TRAPPC10: variants seen among roughly 807,000 people sequenced by gnomAD.
The protein encoded by TRAPPC10 is TRAPP 130 kDa subunit.
In TRAPPC10, 23 loss-of-function variants were observed where a neutral mutation model predicts 125.5. The observed-to-expected ratio is 0.18, with a 90% CI of 0.13 to 0.26. The LOEUF (loss-of-function observed/expected upper bound fraction) is 0.26, where lower values mean the gene tolerates loss of function less well. Ranked by LOEUF, TRAPPC10 falls within the 10% of genes least tolerant of loss-of-function variation. The probability of loss-of-function intolerance (pLI) is 1.00; values close to 1 mark genes in which losing one functional copy is unlikely to be tolerated. For synonymous variants in TRAPPC10, 509 were observed against 518.0 expected, an observed-to-expected ratio of 0.98 and a Z score of 0.24; for missense variants, 1,123 against 1,308.4, an observed-to-expected ratio of 0.86 and a Z score of 2.19.
intron 6 of TRAPPC10, among the ~76,000 whole-genome samples, chr21:44,060,915 T>TACATACACACACAC (rs60633801): frequency 0.014 from 1,882 of 132,210 alleles, 28 homozygotes; most frequent in South Asian, 0.033. Context: ...CATACATACA[T>TACATACACACACAC]ACACACACAC....
intron 2 of TRAPPC10, among the ~76,000 whole-genome samples, chr21:44,034,375 C>G (rs989072269): frequency 8.5e-6 from 1 of 117,274 alleles, no homozygotes; most frequent in Non-Finnish European, 1.6e-5. Context: ...CCTGGAAAGT[C>G]TTTCTGTGGA....
chr21:44,036,974 C>G (rs2034028824), intron 2 of TRAPPC10, among the ~76,000 whole-genome samples: 1 of 152,096 alleles, frequency 6.6e-6, no homozygotes, highest in South Asian at 2.1e-4. Flanking sequence ...TCCCAAAGGA[C>G]AGGGGAAAAC....
At position 44,080,165 on chromosome 21, in the gene TRAPPC10, C is replaced by G. The variant is rs745485527; in HGVS notation, c.1723+38C>G. 3.3e-6 allele frequency: 5 copies of G among 1,519,884 alleles called. No homozygotes were observed. In the East Asian group the frequency reaches 9.0e-5, roughly 27 times the overall value. The allele number at this position is 1,519,884 out of a possible 1,614,324, so 94.1% of individuals were successfully genotyped here. A position where few individuals can be genotyped will look rare whatever the true frequency, so the allele number is the denominator to read the frequency against. On this transcript the variant is annotated intron_variant, in intron 13 of 22. Transcript: ENST00000291574. ...CTTACAACTTGACTAGGAATATTTT[C>G]AAATATTACAGAAGTAAAAAAGAAT...
intron 7 of TRAPPC10, among the ~76,000 whole-genome samples, chr21:44,064,158 CTTAT>C (rs1354907313): frequency 1.3e-5 from 2 of 152,220 alleles, no homozygotes; most frequent in African/African-American, 4.8e-5. Flanking sequence ...ATTTCAGACA[CTTAT>C]GTCATGTAGA....
In TRAPPC10 at chr21:44,068,338, G is replaced by A. The variant is rs114796582; in HGVS notation, c.1038+4553G>A. Reference sequence around the variant, plus strand: ...AGAGTGCGTTTCAGGTGGAGAAGATGGTGTTATTGAAGGTGCTCTGGAGGA... The same window carrying A: ...AGAGTGCGTTTCAGGTGGAGAAGATAGTGTTATTGAAGGTGCTCTGGAGGA... On this transcript the variant is annotated intron_variant, in intron 7 of 22. Coordinates refer to ENST00000291574, the MANE Select transcript of TRAPPC10 (RefSeq NM_003274.5). Among the ~76,000 whole-genome samples, 1,067 of 152,242 alleles carry A rather than the reference G, an allele frequency of 7.0e-3. 10 individuals carry two copies. The highest frequency in any genetic ancestry group is 0.024 in the African/African-American group (1,001 of 41,520).
At chr21:44,064,158 C>T (rs968340943) in intron 7 of TRAPPC10, among the ~76,000 whole-genome samples, 1 of 152,220 alleles carries the variant, frequency 6.6e-6, no homozygotes, top group Non-Finnish European at 1.5e-5. Flanking sequence ...ATTTCAGACA[C>T]TTATGTCATG....
chr21:44,015,531 C>G (rs2031730615), intron 1 of TRAPPC10, among the ~76,000 whole-genome samples: 1 of 152,094 alleles, frequency 6.6e-6, no homozygotes, highest in African/African-American at 2.4e-5. Flanking sequence ...CTCCCTTAGC[C>G]TGCCAAGTAG....
At position 44,089,816 on chromosome 21, in the gene TRAPPC10, T is replaced by G; in HGVS notation, c.2770-17T>G. On this transcript the variant is annotated splice_polypyrimidine_tract_variant and intron_variant, in intron 17 of 22. Coordinates refer to ENST00000291574, the MANE Select transcript of TRAPPC10 (RefSeq NM_003274.5). ...GTCGGCGAGTGGTCTGAGAGTGTCT[T>G]TGTGCTTCCTCCTCAGGTGTCGATT... 1 of 1,608,420 alleles carries G rather than the reference T, an allele frequency of 6.2e-7. No homozygotes were observed.
At chr21:44,012,811 C>T (rs368467115) in intron 1 of TRAPPC10, among the ~76,000 whole-genome samples, 33 of 152,040 alleles carry the variant, frequency 2.2e-4, no homozygotes, top group African/African-American at 7.2e-4. Context: ...GCCGGTGGAA[C>T]CCGGCGGACT....
At position 44,079,596 on chromosome 21, in the gene TRAPPC10, A is replaced by G. The variant is rs760114442; in HGVS notation, c.1502A>G (p.Tyr501Cys). The G allele has an allele frequency of 3.7e-6, 6 of 1,603,522 alleles. No homozygotes were observed. The highest frequency in any genetic ancestry group is 2.2e-5 in the East Asian group (1 of 44,732). ...RKKAPQKAEI[Y>C]LQGALKNYLA... Reference sequence around the variant, plus strand: ...AAGGCTCCACAAAAGGCAGAAATCTATCTTCAAGGAGCACTGAAAAACTAC... The same window carrying G: ...AAGGCTCCACAAAAGGCAGAAATCTGTCTTCAAGGAGCACTGAAAAACTAC... The change falls in exon 12 of 23, where the codon TAT becomes TGT. Residue 501 changes from tyrosine to cysteine, a missense_variant. Tyr to Cys is a radical substitution (Grantham distance 194, BLOSUM62 -2). This residue lies in a region of TRAPPC10 where 840 missense variants were observed against 902.0 expected (regional missense o/e 0.93). Transcript: ENST00000291574.
At chr21:44,028,818 C>T (rs1203987025) in intron 1 of TRAPPC10, among the ~76,000 whole-genome samples, 2 of 152,226 alleles carry the variant, frequency 1.3e-5, no homozygotes, top group African/African-American at 4.8e-5. Context: ...AGTCTCAAGC[C>T]CCGTTTTGGC....
chr21:44,052,430 A>G lies in TRAPPC10; in HGVS notation c.436A>G (p.Ile146Val), dbSNP rs374642847. 1.9e-6 allele frequency: 3 copies of G among 1,605,548 alleles called. No homozygotes were observed. The highest frequency in any genetic ancestry group is 2.5e-6 in the Non-Finnish European group (3 of 1,178,028). ...AACCAACATCCTTCCCCGAACCTCT[A>G]TTGTGGACAAAATAAGAAATGATTT... The part of the protein sequence containing the change: ...NKTNILPRTS[I>V]VDKIRNDFCN... Residue 146 changes from isoleucine (I) to valine (V), a missense_variant, in exon 4 of 23, where the codon ATT becomes GTT. Transcript: ENST00000291574.
Position 44,054,668 on chromosome 21 carries a change from T to C in TRAPPC10, c.483-1030T>C, listed in dbSNP as rs142371198. 3.3e-5 allele frequency among the ~76,000 whole-genome samples: 5 copies of C among 152,394 alleles called. No individual in the cohort carries two copies. In the East Asian group the frequency reaches 7.7e-4, roughly 23 times the overall value. On this transcript the variant is annotated intron_variant, in intron 4 of 22. Coordinates refer to ENST00000291574, the MANE Select transcript of TRAPPC10 (RefSeq NM_003274.5). ...TGTGTAATTTCGTGTGTTTGACCTT[T>C]TTACATCATGGGTTCAGCCTCTTTG... is the stretch of plus-strand genomic sequence containing the variant.
chr21:44,013,648 T>C (rs2147093447), intron 1 of TRAPPC10, among the ~76,000 whole-genome samples: 1 of 152,348 alleles, frequency 6.6e-6, no homozygotes, highest in South Asian at 2.1e-4. Flanking sequence ...AGGTTGAATT[T>C]TGTTGCTTCA....
chr21:44,074,241 C>A, intron 7 of TRAPPC10, 83 bp from the exon 8 acceptor site: 5 of 1,557,740 alleles, frequency 3.2e-6, no homozygotes, highest in Non-Finnish European at 4.4e-6. Context: ...GGGTTTTGCA[C>A]GTTCAAGCTA....
At chr21:44,088,857 C>T (rs2038352592) in intron 17 of TRAPPC10, 1 of 151,352 alleles carries the variant, frequency 6.6e-6, no homozygotes, top group Non-Finnish European at 1.4e-5. Flanking sequence ...ACACTGGCGG[C>T]ACCTGTGCTA....
At chr21:44,029,876 A>T (rs1569148086) in intron 1 of TRAPPC10, among the ~76,000 whole-genome samples, 1 of 152,198 alleles carries the variant, frequency 6.6e-6, no homozygotes, top group Admixed American at 6.5e-5. Context: ...GAGGTACTGG[A>T]TTTTAGGGCT....
intron 20 of TRAPPC10, among the ~76,000 whole-genome samples, chr21:44,094,537 G>C (rs1212094127): frequency 6.6e-6 from 1 of 152,124 alleles, no homozygotes; most frequent in Non-Finnish European, 1.5e-5. Flanking sequence ...TGTTGACTTA[G>C]TAACTCCCTG....
At chr21:44,068,124 A>G (rs1369142384) in intron 7 of TRAPPC10, among the ~76,000 whole-genome samples, 1 of 152,132 alleles carries the variant, frequency 6.6e-6, no homozygotes, top group Non-Finnish European at 1.5e-5. Flanking sequence ...GTCTCAAAAA[A>G]AAAAAAAAAA....
Sources: gnomAD v4.1 joint callset for allele counts (sites outside exome capture counted in the v4.1 genomes callset) on GRCh38, gnomAD v4.1.1 for gene constraint, gnomAD v4.1.1 regional missense constraint, MANE v1.5 for transcripts, NCBI Gene and HGNC (gene_info 2026-07-23, HGNC 2026-07-21) for gene names.